Variants in SENP2 observed in about 807,000 individuals in gnomAD.
The protein encoded by SENP2 is sentrin-specific protease 2.
SENP2 carries 16 observed loss-of-function variants against 86.3 expected under a neutral mutation model. That is an observed-to-expected ratio of 0.19 (90% CI 0.13 to 0.28). The LOEUF is 0.28. Ranked by LOEUF, SENP2 falls within the 10% of genes least tolerant of loss-of-function variation. The probability of loss-of-function intolerance (pLI) is 1.00; values close to 1 mark genes in which losing one functional copy is unlikely to be tolerated. For missense variants in SENP2, 552 were observed against 703.0 expected (o/e 0.79, Z 2.43); for synonymous variants, 222 against 238.7 (o/e 0.93, Z 0.64).
At chr3:185,616,480 A>G (rs1364002761) in intron 11 of SENP2, among the ~76,000 whole-genome samples, 3 of 150,408 alleles carry the variant, frequency 2.0e-5, no homozygotes, top group African/African-American at 7.3e-5. Context: ...GTCTCAAAAA[A>G]AAAAAAAAAA....
chr3:185,591,122 G>T (rs568869355), intron 2 of SENP2, among the ~76,000 whole-genome samples: 1 of 151,052 alleles, frequency 6.6e-6, no homozygotes, highest in Non-Finnish European at 1.5e-5. Context: ...AGCCAGGATG[G>T]TCTCCATCTC....
intron 5 of SENP2, among the ~76,000 whole-genome samples, chr3:185,601,851 C>T (rs1160799807): frequency 6.6e-6 from 1 of 151,106 alleles, no homozygotes; most frequent in African/African-American, 2.4e-5. Flanking sequence ...TTGGCCAGGC[C>T]AGTCTCAAAC....
intron 5 of SENP2, among the ~76,000 whole-genome samples, chr3:185,605,532 A>G (rs1722486023): frequency 6.6e-6 from 1 of 152,090 alleles, no homozygotes; most frequent in Non-Finnish European, 1.5e-5. Context: ...AGGATTGTGT[A>G]TTGCACATAG....
intron 3 of SENP2, 79 bp downstream of exon 3, chr3:185,598,624 A>G: frequency 7.2e-7 from 1 of 1,397,362 alleles, no homozygotes; most frequent in Non-Finnish European, 9.8e-7. Flanking sequence ...TCTCTTCGAG[A>G]GTTAATGTGT....
At chr3:185,612,786 T>C (rs1722738325) in intron 9 of SENP2, 128 bp downstream of exon 9, 2 of 618,880 alleles carry the variant, frequency 3.2e-6, no homozygotes, top group Admixed American at 2.8e-5. Flanking sequence ...GGTCAGCATA[T>C]AGGGTAGATA....
rs1004158980 is a variant in SENP2, at chr3:185,586,874, G to A, written c.101+360G>A. 2.0e-5 allele frequency among the ~76,000 whole-genome samples: 3 copies of A among 152,214 alleles called. No individual in the cohort carries two copies. The highest frequency in any genetic ancestry group is 4.4e-5 in the Non-Finnish European group (3 of 68,046). ...CGCAAGTGTCATCTGCAGACATTAAGTGCAGTTGAAGTGAGATTCATAGCT... is the reference window on the plus strand; with the variant it reads ...CGCAAGTGTCATCTGCAGACATTAAATGCAGTTGAAGTGAGATTCATAGCT... On this transcript the variant is annotated intron_variant, in intron 1 of 16. Coordinates refer to ENST00000296257, the MANE Select transcript of SENP2 (RefSeq NM_021627.3). The surrounding 1 kb of genome is among the most constrained non-coding windows in gnomAD (Gnocchi z 4.3).
chr3:185,613,365 C>A lies in SENP2; in HGVS notation c.890C>A (p.Thr297Asn). 1 of 1,595,470 alleles carries A rather than the reference C, an allele frequency of 6.3e-7. No homozygotes were observed. The highest frequency in any genetic ancestry group is 8.6e-7 in the Non-Finnish European group (1 of 1,164,992). ...CTTAGGTGTTCAAAGGGGAAAATTA[C>A]TGATACAGAGACGATGGTCGGAATC... ...SEKRCSKGKI[T>N]DTETMVGIRF... The change falls in exon 10 of 17, where the codon ACT becomes AAT. Residue 297 changes from threonine (T) to asparagine (N), a missense_variant. By Grantham distance (65) the Thr-to-Asn change is moderately conservative. Around this residue, in one of 2 missense-constraint regions of SENP2, gnomAD observed 383 missense variants for 427.3 expected, o/e 0.90. Coordinates refer to ENST00000296257, the MANE Select transcript of SENP2 (RefSeq NM_021627.3).
intron 2 of SENP2, among the ~76,000 whole-genome samples, chr3:185,591,129 T>C (rs1393413034): frequency 6.6e-6 from 1 of 150,952 alleles, no homozygotes; most frequent in African/African-American, 2.4e-5. Flanking sequence ...ATGGTCTCCA[T>C]CTCCTGACCT....
chr3:185,590,023 G>A (rs1011217276), intron 1 of SENP2, 91 bp from the exon 2 acceptor site: 48 of 644,174 alleles, frequency 7.5e-5, no homozygotes, highest in Non-Finnish European at 1.1e-4. Flanking sequence ...GTGATAGAAG[G>A]GGGATGTGTT....
At position 185,598,415 on chromosome 3, in the gene SENP2, G is replaced by A. The variant is rs747017791; in HGVS notation, c.161G>A (p.Cys54Tyr). The change falls in exon 3 of 17, where the codon TGC becomes TAC. Residue 54 changes from cysteine to tyrosine, a missense_variant. By Grantham distance (194) the Cys-to-Tyr change is radical. Coordinates refer to ENST00000296257, the MANE Select transcript of SENP2 (RefSeq NM_021627.3). ...ACAGTTTGTTGACACTTTCTAGATT[G>A]CTTTATTCACCAAGTGAAAAACAGT... ...EIPAKRPRLD[C>Y]FIHQVKNSLY... 1 of 1,613,496 alleles carries A rather than the reference G, an allele frequency of 6.2e-7. No homozygotes were observed. Among genetic ancestry groups the A allele is most frequent in the African/African-American group, 1.3e-5 (1 of 74,888 alleles).
intron 16 of SENP2, among the ~76,000 whole-genome samples, chr3:185,629,172 G>C (rs779090315): frequency 5.3e-5 from 8 of 152,172 alleles, no homozygotes; most frequent in Non-Finnish European, 1.2e-4. Context: ...ATTCATATAA[G>C]TAGAAAAGTT....
intron 11 of SENP2, among the ~76,000 whole-genome samples, chr3:185,615,325 C>T (rs1263723348): frequency 6.6e-6 from 1 of 152,092 alleles, no homozygotes; most frequent in Admixed American, 6.5e-5. Flanking sequence ...CAGTGGGAAG[C>T]AGCATATATT....
chr3:185,593,824 G>C (rs560736324), intron 2 of SENP2, among the ~76,000 whole-genome samples: 5 of 151,168 alleles, frequency 3.3e-5, no homozygotes, highest in Non-Finnish European at 5.9e-5. Flanking sequence ...CACCTCCCAG[G>C]TTCAAGTGAT....
At chr3:185,625,550 G>A (rs1056408628) in intron 15 of SENP2, among the ~76,000 whole-genome samples, 24 of 152,130 alleles carry the variant, frequency 1.6e-4, no homozygotes, top group Non-Finnish European at 2.8e-4. Context: ...GCCAAGATTA[G>A]GGCAACACAG....
chr3:185,627,305 G>A (rs189084002), intron 16 of SENP2, among the ~76,000 whole-genome samples: 96 of 152,274 alleles, frequency 6.3e-4, no homozygotes, highest in African/African-American at 2.2e-3. Context: ...AGGTATGTCA[G>A]TGTTTAATAG....
chr3:185,621,207 G>A (rs1312891044), intron 13 of SENP2, among the ~76,000 whole-genome samples: 51 of 45,860 alleles, frequency 1.1e-3, no homozygotes, highest in South Asian at 2.6e-3. Context: ...AAGAAGGAAA[G>A]AAAGATACAG....
intron 1 of SENP2, among the ~76,000 whole-genome samples, chr3:185,589,074 ATT>A (rs11345567): frequency 1.4e-5 from 2 of 145,646 alleles, no homozygotes; most frequent in Admixed American, 6.9e-5. Flanking sequence ...CATTCTATTC[ATT>A]TTTTTTTTTT....
intron 11 of SENP2, among the ~76,000 whole-genome samples, chr3:185,615,564 G>A (rs1366705743): frequency 1.3e-5 from 2 of 152,108 alleles, no homozygotes; most frequent in African/African-American, 4.8e-5. Flanking sequence ...GGCTGGTCTC[G>A]AACTCCTGAC....
intron 8 of SENP2, chr3:185,612,113 C>G (rs1310462743): frequency 2.4e-5 from 4 of 165,404 alleles, no homozygotes; most frequent in Non-Finnish European, 1.3e-5. Flanking sequence ...GCCAAGATCA[C>G]GCCACTGCAC....
Sources: allele counts gnomAD v4.1 joint callset (sites outside exome capture counted in the v4.1 genomes callset), GRCh38; gene constraint gnomAD v4.1.1; regional missense constraint gnomAD v4.1.1; non-coding constraint Gnocchi (gnomAD v3.1); transcripts MANE v1.5; gene names NCBI Gene and HGNC (gene_info 2026-07-23, HGNC 2026-07-21).